The following RALGAPA2 variants were observed in gnomAD, a reference collection of about 807,000 sequenced individuals.
RALGAPA2 encodes Ral GTPase activating protein catalytic subunit alpha 2, also known as ral GTPase-activating protein subunit alpha-2.
A neutral mutation model predicts 230.4 loss-of-function variants in RALGAPA2; 139 were observed. The ratio of observed to expected loss-of-function variants is 0.60; its 90% CI spans 0.53 to 0.69. RALGAPA2 has a LOEUF of 0.69. Ranked by LOEUF, RALGAPA2 falls within the 30% of genes least tolerant of loss-of-function variation. The probability of loss-of-function intolerance (pLI) is 0.00; values close to 1 mark genes in which losing one functional copy is unlikely to be tolerated. For missense variants in RALGAPA2, 2,163 were observed against 2,276.0 expected (o/e 0.95, Z 1.01); for synonymous variants, 847 against 837.8 (o/e 1.01, Z -0.19).
chr20:20,518,131 T>C lies in RALGAPA2; in HGVS notation c.4084+2786A>G, dbSNP rs192553545. Among the ~76,000 whole-genome samples, 483 of 152,008 alleles carry C rather than the reference T, an allele frequency of 3.2e-3. 5 individuals are homozygous for C. The highest frequency in any genetic ancestry group is 0.011 in the African/African-American group (460 of 41,474). On this transcript the variant is annotated intron_variant, in intron 31 of 39. Transcript: ENST00000202677. Reference sequence around the variant, plus strand: ...AGTGCAGTGGTGCGATCGTGGCTCATTGCAACCTCCGTCTCCCGGGTTCAA... The same window carrying C: ...AGTGCAGTGGTGCGATCGTGGCTCACTGCAACCTCCGTCTCCCGGGTTCAA...
intron 16 of RALGAPA2, among the ~76,000 whole-genome samples, chr20:20,593,976 A>G (rs1450557944): frequency 1.3e-5 from 2 of 152,164 alleles, no homozygotes; most frequent in East Asian, 1.9e-4. Context: ...GGAGGGACGT[A>G]TCAGATGGAG....
At chr20:20,667,427 T>G (rs2067991311) in intron 3 of RALGAPA2, among the ~76,000 whole-genome samples, 1 of 152,192 alleles carries the variant, frequency 6.6e-6, no homozygotes, top group Non-Finnish European at 1.5e-5. Flanking sequence ...GTGCACATGC[T>G]GAGTCCAGCC....
At chr20:20,564,841 C>T (rs2064363736) in intron 23 of RALGAPA2, among the ~76,000 whole-genome samples, 1 of 152,182 alleles carries the variant, frequency 6.6e-6, no homozygotes, top group African/African-American at 2.4e-5. Flanking sequence ...ATCCTGAATT[C>T]TTGGAAGTAC....
chr20:20,562,812 A>G (rs1329233133), intron 23 of RALGAPA2, among the ~76,000 whole-genome samples: 3 of 152,220 alleles, frequency 2.0e-5, no homozygotes, highest in African/African-American at 4.8e-5. Flanking sequence ...CTACAGATTA[A>G]TGAAAATAAT....
chr20:20,614,571 A>T (rs1458710373), intron 13 of RALGAPA2, among the ~76,000 whole-genome samples: 6 of 152,194 alleles, frequency 3.9e-5, no homozygotes, highest in Non-Finnish European at 8.8e-5. Context: ...CAATTGTTTA[A>T]CTTGGCAAAT....
At position 20,558,859 on chromosome 20, in the gene RALGAPA2, G is replaced by A. The variant is rs140851191; in HGVS notation, c.3157-12027C>T. Among the ~76,000 whole-genome samples, 102 of 150,430 alleles carry A rather than the reference G, an allele frequency of 6.8e-4. No individual in the cohort carries two copies. In the East Asian group the frequency reaches 0.016, roughly 24 times the overall value. ...GCTTCTAATGCCATCACAGACTAGC[G>A]TGCCCCATGCATTTAAACATGCTTC... On this transcript the variant is annotated intron_variant, in intron 23 of 39. Transcript: ENST00000202677.
chr20:20,412,394 C>T (rs1356550598), intron 37 of RALGAPA2, among the ~76,000 whole-genome samples: 2 of 152,286 alleles, frequency 1.3e-5, no homozygotes, highest in East Asian at 3.9e-4. Context: ...TGTAAAGCAA[C>T]AGTTACAGAA....
At chr20:20,606,038 C>T (rs936954365) in intron 14 of RALGAPA2, among the ~76,000 whole-genome samples, 6 of 152,136 alleles carry the variant, frequency 3.9e-5, no homozygotes, top group Non-Finnish European at 7.3e-5. Context: ...TAATCTCCAG[C>T]CAACCCCACT....
At chr20:20,524,668 GTAAATAAA>G in intron 29 of RALGAPA2, 125 bp from the exon 30 acceptor site, 1 of 1,333,802 alleles carries the variant, frequency 7.5e-7, no homozygotes, top group Admixed American at 2.5e-5. Context: ...AAGTAGGTAA[GTAAATAAA>G]TAAATAAATA....
chr20:20,446,356 A>G (rs1226131575), intron 37 of RALGAPA2, among the ~76,000 whole-genome samples: 3 of 152,230 alleles, frequency 2.0e-5, no homozygotes, highest in Admixed American at 6.5e-5. Flanking sequence ...CAGATTATCA[A>G]TCTTTTGTTT....
chr20:20,626,952 A>C (rs1275578398), intron 10 of RALGAPA2, among the ~76,000 whole-genome samples: 4 of 152,222 alleles, frequency 2.6e-5, no homozygotes, highest in African/African-American at 9.6e-5. Context: ...CCCCTGCTAT[A>C]GATGATACAC....
Position 20,526,273 on chromosome 20 carries a change from A to G in RALGAPA2, c.3672T>C (p.Ser1224=). 6.2e-7 allele frequency: 1 copy of G among 1,605,920 alleles called. No homozygotes were observed. Among genetic ancestry groups the G allele is most frequent in the Non-Finnish European group, 8.5e-7 (1 of 1,174,982 alleles). The change falls in exon 28 of 40, where the codon TCT becomes TCC. Residue 1224 remains serine, a synonymous_variant. Transcript: ENST00000202677. ...TTACTTCTGCCATTTTCCGAGGCAGAGAGGTTTCAAACATCTGAAGCTTCT... is the reference window on the plus strand; with the variant it reads ...TTACTTCTGCCATTTTCCGAGGCAGGGAGGTTTCAAACATCTGAAGCTTCT... ...YWEKLQMFET[S]LPRKMAEILV...
intron 10 of RALGAPA2, among the ~76,000 whole-genome samples, chr20:20,624,538 G>A (rs1056375393): frequency 7.2e-5 from 11 of 151,996 alleles, no homozygotes; most frequent in African/African-American, 2.7e-4. Context: ...TGTACATTAG[G>A]ATTCTGAAAT....
chr20:20,705,851 T>C (rs2069580056), intron 1 of RALGAPA2, among the ~76,000 whole-genome samples: 1 of 152,184 alleles, frequency 6.6e-6, no homozygotes, highest in African/African-American at 2.4e-5. Flanking sequence ...GTATTTTTAC[T>C]AGAGACGGTG....
chr20:20,490,329 C>T (rs942469350), intron 36 of RALGAPA2, among the ~76,000 whole-genome samples: 4 of 152,280 alleles, frequency 2.6e-5, no homozygotes, highest in Admixed American at 2.6e-4. Flanking sequence ...ACATAGTTCT[C>T]AATGTCATTC....
At position 20,712,485 on chromosome 20, in the gene RALGAPA2, C is replaced by G. The variant is rs1277504724; in HGVS notation, c.-5G>C. The G allele has an allele frequency of 2.6e-6, 4 of 1,544,502 alleles. No homozygotes were observed. The South Asian group carries it at 4.8e-5, about 18-fold the overall frequency. The stretch of plus-strand genomic sequence containing the variant: ...GTGGCTCCTTCGGGAGAACATCCCG[C>G]GGCAGGAAGCCCGGGCCCCGCCGGC... On this transcript the variant is annotated 5_prime_UTR_variant, in exon 1 of 40. Transcript: ENST00000202677. The surrounding 1 kb of genome is among the most constrained non-coding windows in gnomAD (Gnocchi z 5.5).
intron 37 of RALGAPA2, among the ~76,000 whole-genome samples, chr20:20,452,938 G>A (rs991587517): frequency 6.6e-6 from 1 of 152,216 alleles, no homozygotes; most frequent in African/African-American, 2.4e-5. Flanking sequence ...TGATGGCACA[G>A]GTGGAGCAGC....
intron 14 of RALGAPA2, among the ~76,000 whole-genome samples, chr20:20,610,377 T>C (rs904459927): frequency 4.6e-5 from 7 of 152,134 alleles, no homozygotes; most frequent in African/African-American, 1.7e-4. Flanking sequence ...GCACATCTGT[T>C]CCCCAGGCAG....
At chr20:20,652,297 A>T (rs1463800878) in intron 4 of RALGAPA2, among the ~76,000 whole-genome samples, 1 of 152,140 alleles carries the variant, frequency 6.6e-6, no homozygotes, top group Admixed American at 6.5e-5. Flanking sequence ...ACCCTTTCCA[A>T]ACTGCACCTG....
Sources: gnomAD v4.1 joint callset for allele counts (sites outside exome capture counted in the v4.1 genomes callset) on GRCh38, gnomAD v4.1.1 for gene constraint, Gnocchi (gnomAD v3.1) non-coding constraint, MANE v1.5 for transcripts, NCBI Gene and HGNC (gene_info 2026-07-23, HGNC 2026-07-21) for gene names.